GMPR2: variants seen among roughly 807,000 people sequenced by gnomAD.
GMPR2 encodes guanosine monophosphate reductase 2.
A neutral mutation model predicts 38.5 loss-of-function variants in GMPR2; 32 were observed. That is an observed-to-expected ratio of 0.83 (90% CI 0.63 to 1.12). The LOEUF (loss-of-function observed/expected upper bound fraction) is 1.12, where lower values mean the gene tolerates loss of function less well. GMPR2 is among the 50% of genes most tolerant of loss of function. The pLI, the probability that GMPR2 is intolerant of heterozygous loss-of-function variation, is 0.00. For synonymous variants in GMPR2, 154 were observed against 151.0 expected (o/e 1.02, Z -0.15); for missense variants, 396 against 432.1 (o/e 0.92, Z 0.74).
chr14:24,233,258 C>T lies in GMPR2; in HGVS notation c.5C>T (p.Pro2Leu). 1.9e-6 allele frequency: 3 copies of T among 1,614,114 alleles called. No individual in the cohort carries two copies. The highest frequency in any genetic ancestry group is 1.7e-6 in the Non-Finnish European group (2 of 1,179,968). ...GCTACCCCGAGGCTAAGCGCCATGC[C>T]TCATATTGACAACGATGTGAAACTG... M[P>L]HIDNDVKLDF... Residue 2 changes from proline to leucine, a missense_variant, in exon 2 of 10, where the codon CCT becomes CTT. Physicochemically the swap from Pro to Leu is moderately conservative, Grantham distance 98. Coordinates refer to ENST00000399440, the MANE Select transcript of GMPR2 (RefSeq NM_001002002.3).
chr14:24,235,954 G>A lies in GMPR2; in HGVS notation c.292-13G>A, dbSNP rs902464072. On this transcript the variant is annotated splice_polypyrimidine_tract_variant and intron_variant, in intron 4 of 9. Transcript: ENST00000399440. ...TCATCTCTGATATGCCAATGACTCT[G>A]TTTCTCCCACAGCATCTGGCTGCCA... 4 of 1,613,512 alleles carry A rather than the reference G, an allele frequency of 2.5e-6. No homozygotes were observed. Among genetic ancestry groups the A allele is most frequent in the Middle Eastern group, 1.7e-4 (1 of 6,054 alleles).
chr14:24,238,545 A>G (rs751834057), intron 9 of GMPR2, 44 bp from the exon 10 acceptor site: 1 of 1,614,144 alleles, frequency 6.2e-7, no homozygotes, highest in Non-Finnish European at 8.5e-7. Context: ...CCTGGGCTTA[A>G]GGAATCCAGA....
intron 3 of GMPR2, 148 bp from the exon 4 acceptor site, chr14:24,235,588 GA>G: frequency 1.5e-6 from 1 of 660,144 alleles, no homozygotes. Context: ...AAGAAAGGTT[GA>G]ACTCAAATCC....
intron 5 of GMPR2, 55 bp from the exon 6 acceptor site, chr14:24,237,016 C>T: frequency 3.1e-6 from 4 of 1,291,920 alleles, no homozygotes; most frequent in Admixed American, 1.7e-5. Context: ...CGTAACAATA[C>T]ATGACCTCCT....
rs1040058229 is a variant in GMPR2 at position 24,232,982 on chromosome 14, G to C, written c.-36+5G>C. 1.7e-6 allele frequency: 1 copy of C among 582,670 alleles called. No homozygotes were observed. The allele number at this position is 582,670 out of a possible 1,614,324, so 36.1% of individuals were successfully genotyped here. A position where few individuals can be genotyped will look rare whatever the true frequency, so the allele number is the denominator to read the frequency against. On this transcript the variant is annotated splice_donor_5th_base_variant and intron_variant, in intron 1 of 9. Coordinates refer to ENST00000399440, the MANE Select transcript of GMPR2 (RefSeq NM_001002002.3). ...AGAAGAAGGAAGTGTAGCGGGGTAA[G>C]GAATGCACCGTCAGGGTCTCTCACA...
In GMPR2 at chr14:24,236,423, C is replaced by G. The variant is rs2273305; in HGVS notation, c.465+283C>G. Among the ~76,000 whole-genome samples the G allele has an allele frequency of 5.4e-3, 820 of 152,346 alleles. 30 individuals are homozygous for G. In the East Asian group the frequency reaches 0.088, roughly 16 times the overall value. On this transcript the variant is annotated intron_variant, in intron 5 of 9. Transcript: ENST00000399440. Reference sequence around the variant, plus strand: ...GTACATACCTGTGGTACATAGACATCTGCCCACTGAAATGGACACATACTA... The same window carrying G: ...GTACATACCTGTGGTACATAGACATGTGCCCACTGAAATGGACACATACTA...
At chr14:24,234,168 A>G (rs750397014) in intron 3 of GMPR2, 3 of 1,288,938 alleles carry the variant, frequency 2.3e-6, no homozygotes, top group South Asian at 1.2e-5. Context: ...CTTATATACA[A>G]GTTGTTCACT....
At chr14:24,236,256 A>T in intron 5 of GMPR2, 116 bp downstream of exon 5, 1 of 753,396 alleles carries the variant, frequency 1.3e-6, no homozygotes, top group Non-Finnish European at 2.3e-6. Flanking sequence ...TCATTTAATC[A>T]TGATACTGGA....
chr14:24,234,166 C>G (rs151173245), intron 3 of GMPR2: 1 of 1,288,662 alleles, frequency 7.8e-7, no homozygotes, highest in East Asian at 5.5e-5. Context: ...TTCTTATATA[C>G]AAGTTGTTCA....
Position 24,239,003 on chromosome 14 carries a change from G to C in GMPR2, c.*225G>C. 1.6e-6 allele frequency: 1 copy of C among 628,918 alleles called. No homozygotes were observed. Among genetic ancestry groups the C allele is most frequent in the Non-Finnish European group, 3.0e-6 (1 of 338,582 alleles). 39.0% of individuals were successfully genotyped at this position (628,918 alleles called of 1,614,324 possible). A position where few individuals can be genotyped will look rare whatever the true frequency, so the allele number is the denominator to read the frequency against. ...AAGGAAGCAAACAGTCTGAGAAAATGATGCAAGAAAATCAAATGGGAATCT... is the reference window on the plus strand; with the variant it reads ...AAGGAAGCAAACAGTCTGAGAAAATCATGCAAGAAAATCAAATGGGAATCT... On this transcript the variant is annotated 3_prime_UTR_variant, in exon 10 of 10. Coordinates refer to ENST00000399440, the MANE Select transcript of GMPR2 (RefSeq NM_001002002.3).
Position 24,233,262 on chromosome 14 carries a change from T to C in GMPR2, c.9T>C (p.His3=). 1.2e-6 allele frequency: 2 copies of C among 1,614,078 alleles called. No individual in the cohort carries two copies. Among genetic ancestry groups the C allele is most frequent in the Non-Finnish European group, 1.7e-6 (2 of 1,179,984 alleles). MP[H]IDNDVKLDFK... is the part of the protein sequence containing the mutation. ...CCCCGAGGCTAAGCGCCATGCCTCA[T>C]ATTGACAACGATGTGAAACTGGACT... is the stretch of plus-strand genomic sequence containing the variant. Residue 3 remains histidine (H), a synonymous_variant, in exon 2 of 10, where the codon CAT becomes CAC. Coordinates refer to ENST00000399440, the MANE Select transcript of GMPR2 (RefSeq NM_001002002.3).
chr14:24,232,924 T>TTGCTTC, upstream of GMPR2: 1 of 448,232 alleles, frequency 2.2e-6, no homozygotes, highest in South Asian at 3.1e-5. Flanking sequence ...TTCCCCTAAA[T>TTGCTTC]CAGCCTCTTG....
rs878890060 is a variant in GMPR2 at position 24,237,443 on chromosome 14, C to T, written c.655-77C>T. ...ATTAGAATTCCTGGGTTCTTGTTGG[C>T]TTTGAGTTGGGCTGTTGGGACATCG... is the stretch of plus-strand genomic sequence containing the variant. On this transcript the variant is annotated intron_variant, in intron 7 of 9. Coordinates refer to ENST00000399440, the MANE Select transcript of GMPR2 (RefSeq NM_001002002.3). 13 of 1,543,366 alleles carry T rather than the reference C, an allele frequency of 8.4e-6. No individual in the cohort carries two copies. In the South Asian group the frequency reaches 1.3e-4, roughly 16 times the overall value.
At chr14:24,237,662 G>T (rs2040412470) in intron 8 of GMPR2, 100 bp downstream of exon 8, 5 of 1,057,684 alleles carry the variant, frequency 4.7e-6, no homozygotes, top group East Asian at 2.4e-5. Context: ...AAGTCATTCA[G>T]ATTCTTTCAT....
In GMPR2 at chr14:24,233,562, T is replaced by G; in HGVS notation, c.171T>G (p.Thr57=). 6.2e-7 allele frequency: 1 copy of G among 1,614,136 alleles called. No homozygotes were observed. Among genetic ancestry groups the G allele is most frequent in the Non-Finnish European group, 8.5e-7 (1 of 1,179,976 alleles). Reference sequence around the variant, plus strand: ...CCATCATTGCTGCCAATATGGATACTGTGGGCACCTTTGAGATGGCCAAGG... The same window carrying G: ...CCATCATTGCTGCCAATATGGATACGGTGGGCACCTTTGAGATGGCCAAGG... ...GVPIIAANMD[T]VGTFEMAKVL... is the part of the protein sequence containing the mutation. Residue 57 remains threonine (T), a synonymous_variant, in exon 3 of 10, where the codon ACT becomes ACG. Transcript: ENST00000399440.
In GMPR2 at chr14:24,238,929, TCTC is replaced by T. The variant is rs777279973; in HGVS notation, c.*152_*154del. ...AGGGCTCCTGCAGTAACTCTGTACTTCTCTATCTGCACACACAAAATGCCCAAG... is the reference window on the plus strand; with the variant it reads ...AGGGCTCCTGCAGTAACTCTGTACTTTATCTGCACACACAAAATGCCCAAG... On this transcript the variant is annotated 3_prime_UTR_variant, in exon 10 of 10. Coordinates refer to ENST00000399440, the MANE Select transcript of GMPR2 (RefSeq NM_001002002.3). 5 of 719,608 alleles carry T rather than the reference TCTC, an allele frequency of 6.9e-6. No individual in the cohort carries two copies. In the East Asian group the frequency reaches 1.4e-4, roughly 20 times the overall value. 44.6% of individuals were successfully genotyped at this position (719,608 alleles called of 1,614,324 possible). A position where few individuals can be genotyped will look rare whatever the true frequency, so the allele number is the denominator to read the frequency against.
intron 7 of GMPR2, 68 bp from the exon 8 acceptor site, chr14:24,237,452 G>C (rs931224494): frequency 1.0e-5 from 16 of 1,549,934 alleles, no homozygotes; most frequent in Non-Finnish European, 1.4e-5. Context: ...GCTTTGAGTT[G>C]GGCTGTTGGG....
chr14:24,238,319 G>C lies in GMPR2; in HGVS notation c.771G>C (p.Glu257Asp), dbSNP rs2040446568. The C allele has an allele frequency of 6.2e-7, 1 of 1,614,174 alleles. No homozygotes were observed. Among genetic ancestry groups the C allele is most frequent in the Non-Finnish European group, 8.5e-7 (1 of 1,180,022 alleles). The change falls in exon 9 of 10, where the codon GAG becomes GAC. Residue 257 changes from glutamate to aspartate, a missense_variant. Physicochemically the swap from Glu to Asp is conservative, Grantham distance 45. Transcript: ENST00000399440. Reference sequence around the variant, plus strand: ...GTGAGTCAGGTGGTGAGCTCATCGAGAGGGATGGCAAGAAGTACAAGCTCT... The same window carrying C: ...GTGAGTCAGGTGGTGAGCTCATCGACAGGGATGGCAAGAAGTACAAGCTCT... ...GHSESGGELI[E>D]RDGKKYKLFY...
Position 24,236,090 on chromosome 14 carries a change from G to A in GMPR2, c.415G>A (p.Val139Ile). 1 of 1,614,118 alleles carries A rather than the reference G, an allele frequency of 6.2e-7. No individual in the cohort carries two copies. Among genetic ancestry groups the A allele is most frequent in the South Asian group, 1.1e-5 (1 of 91,088 alleles). ...GGCAAATGGCTACTCTGAACACTTT[G>A]TTGAATTTGTAAAAGATGTACGGAA... ...DVANGYSEHF[V>I]EFVKDVRKRF... The change falls in exon 5 of 10, where the codon GTT becomes ATT. Residue 139 changes from valine (V) to isoleucine (I), a missense_variant. Coordinates refer to ENST00000399440, the MANE Select transcript of GMPR2 (RefSeq NM_001002002.3).
Sources: gnomAD v4.1 joint callset for allele counts (sites outside exome capture counted in the v4.1 genomes callset) on GRCh38, gnomAD v4.1.1 for gene constraint, MANE v1.5 for transcripts, NCBI Gene and HGNC (gene_info 2026-07-23, HGNC 2026-07-21) for gene names.